The following EIF3D variants were observed in gnomAD, a reference collection of about 807,000 sequenced individuals.
EIF3D encodes the protein eIF3 p66.
A neutral mutation model predicts 75.4 loss-of-function variants in EIF3D; 10 were observed. That is an observed-to-expected ratio of 0.13 (90% CI 0.08 to 0.22). The LOEUF (loss-of-function observed/expected upper bound fraction) is 0.22, where lower values mean the gene tolerates loss of function less well. Among genes scored for constraint, EIF3D ranks in the 10% least tolerant of loss-of-function variants. The probability of loss-of-function intolerance (pLI) is 1.00; values close to 1 mark genes in which losing one functional copy is unlikely to be tolerated. For missense variants in EIF3D, 394 were observed against 708.0 expected (o/e 0.56, Z 5.03); for synonymous variants, 246 against 248.3 (o/e 0.99, Z 0.09).
chr22:36,513,658 G>T (rs1197795023), intron 12 of EIF3D, among the ~76,000 whole-genome samples: 1 of 152,186 alleles, frequency 6.6e-6, no homozygotes, highest in Non-Finnish European at 1.5e-5. Flanking sequence ...CTGACAAGAT[G>T]TCTCTGTGTT....
chr22:36,520,396 G>A (rs189745217), intron 7 of EIF3D, among the ~76,000 whole-genome samples, 180 bp downstream of exon 7: 1 of 152,242 alleles, frequency 6.6e-6, no homozygotes, highest in Admixed American at 6.5e-5. Flanking sequence ...GACCTCAGGT[G>A]ACCCACTGCA....
At chr22:36,522,196 A>T (rs977276745) in intron 6 of EIF3D, among the ~76,000 whole-genome samples, 2 of 152,088 alleles carry the variant, frequency 1.3e-5, no homozygotes, top group African/African-American at 4.8e-5. Flanking sequence ...TCTACAGAAA[A>T]TACAAAAATT....
chr22:36,517,556 A>T, intron 9 of EIF3D, 125 bp from the exon 10 acceptor site: 1 of 1,172,914 alleles, frequency 8.5e-7, no homozygotes, highest in East Asian at 2.9e-5. Flanking sequence ...GCCCTCTCCT[A>T]AAGTGGGTCT....
chr22:36,526,280 G>GT, intron 1 of EIF3D, 149 bp from the exon 2 acceptor site: 3 of 774,164 alleles, frequency 3.9e-6, no homozygotes, highest in Non-Finnish European at 5.6e-6. Context: ...GACTACTACT[G>GT]TTTTTGTTAA....
At chr22:36,517,612 G>C (rs963677676) in intron 9 of EIF3D, 181 bp from the exon 10 acceptor site, 4 of 564,594 alleles carry the variant, frequency 7.1e-6, no homozygotes, top group African/African-American at 2.0e-5. Context: ...AGCTGCTCCA[G>C]GATAACTCAA....
intron 7 of EIF3D, among the ~76,000 whole-genome samples, chr22:36,519,802 G>A (rs1160143937): frequency 6.6e-6 from 1 of 152,164 alleles, no homozygotes; most frequent in Admixed American, 6.5e-5. Flanking sequence ...GAGATGACTA[G>A]TTATAGAAGC....
chr22:36,519,569 T>A (rs746299770), intron 7 of EIF3D, 32 bp from the exon 8 acceptor site: 1 of 1,611,566 alleles, frequency 6.2e-7, no homozygotes, highest in Non-Finnish European at 8.5e-7. Flanking sequence ...ACATGCAAAG[T>A]AAGAGAGATA....
At chr22:36,521,409 C>G (rs1246735858) in intron 6 of EIF3D, among the ~76,000 whole-genome samples, 3 of 152,158 alleles carry the variant, frequency 2.0e-5, no homozygotes, top group African/African-American at 7.2e-5. Flanking sequence ...GGGTTATTAA[C>G]TATTCTTGAT....
chr22:36,514,275 CAA>C (rs1266986755), intron 12 of EIF3D, among the ~76,000 whole-genome samples: 2 of 152,130 alleles, frequency 1.3e-5, no homozygotes, highest in East Asian at 1.9e-4. Context: ...AAATCATTTT[CAA>C]AGAGTTCATG....
chr22:36,525,513 T>C, intron 3 of EIF3D, 151 bp downstream of exon 3: 1 of 888,566 alleles, frequency 1.1e-6, no homozygotes, highest in Admixed American at 2.5e-5. Context: ...AAAATGTGGT[T>C]ATTGTTAAAG....
intron 2 of EIF3D, 28 bp downstream of exon 2, chr22:36,525,971 A>G: frequency 1.9e-6 from 3 of 1,583,486 alleles, no homozygotes; most frequent in Non-Finnish European, 2.6e-6. Context: ...AGCTGCAAAG[A>G]TTCAGACTCC....
At chr22:36,524,073 A>G in intron 4 of EIF3D, 93 bp from the exon 5 acceptor site, 2 of 1,261,362 alleles carry the variant, frequency 1.6e-6, no homozygotes, top group Non-Finnish European at 2.3e-6. Flanking sequence ...TAAATTTAGG[A>G]TGCCAAATCC....
chr22:36,523,425 G>C (rs1393893601), intron 5 of EIF3D, 144 bp from the exon 6 acceptor site: 1 of 684,008 alleles, frequency 1.5e-6, no homozygotes, highest in Non-Finnish European at 2.6e-6. Context: ...GAGAAAGGAA[G>C]AGACCCAGAC....
chr22:36,517,802 C>T (rs917399599), intron 9 of EIF3D, among the ~76,000 whole-genome samples: 1 of 152,032 alleles, frequency 6.6e-6, no homozygotes, highest in African/African-American at 2.4e-5. Flanking sequence ...GGTTGGAGTG[C>T]AGTGGTGTGT....
intron 9 of EIF3D, among the ~76,000 whole-genome samples, chr22:36,518,245 C>T (rs1934458042): frequency 6.6e-6 from 1 of 152,054 alleles, no homozygotes; most frequent in Admixed American, 6.5e-5. Flanking sequence ...AATCGCAGCA[C>T]TTTGGGAGGC....
At position 36,523,254 on chromosome 22, in the gene EIF3D, G is replaced by C; in HGVS notation, c.420C>G (p.Phe140Leu). 1 of 1,613,878 alleles carries C rather than the reference G, an allele frequency of 6.2e-7. No individual in the cohort carries two copies. Among genetic ancestry groups the C allele is most frequent in the Non-Finnish European group, 8.5e-7 (1 of 1,179,850 alleles). ...TCTGCCTAACCCCAAATTGTTTCTG[G>C]AACTTTTTCTGCAGTCGAATGCGTT... The part of the protein sequence containing the change: ...ERERIRLQKK[F>L]QKQFGVRQKW... The change falls in exon 6 of 15, where the codon TTC (phenylalanine) becomes TTG (leucine). Residue 140 changes from phenylalanine (F) to leucine (L), a missense_variant. Physicochemically the swap from Phe to Leu is conservative, Grantham distance 22. Transcript: ENST00000216190.
chr22:36,510,908 G>C lies in EIF3D; in HGVS notation c.*79C>G. 6.7e-7 allele frequency: 1 copy of C among 1,491,778 alleles called. No individual in the cohort carries two copies. 92.4% of individuals were successfully genotyped at this position (1,491,778 alleles called of 1,614,324 possible). A position where few individuals can be genotyped will look rare whatever the true frequency, so the allele number is the denominator to read the frequency against. On this transcript the variant is annotated 3_prime_UTR_variant, in exon 15 of 15. Coordinates refer to ENST00000216190, the MANE Select transcript of EIF3D (RefSeq NM_003753.4). Reference sequence around the variant, plus strand: ...TCATCTGCTAAATGTCAGAGAGCAAGTTAGACACACATTCCACTAAGCATC... The same window carrying C: ...TCATCTGCTAAATGTCAGAGAGCAACTTAGACACACATTCCACTAAGCATC...
At chr22:36,513,721 C>CA (rs1934378098) in intron 12 of EIF3D, among the ~76,000 whole-genome samples, 1 of 152,172 alleles carries the variant, frequency 6.6e-6, no homozygotes, top group Non-Finnish European at 1.5e-5. Context: ...TGCTGTGGCA[C>CA]ATTTTTTGGA....
intron 3 of EIF3D, among the ~76,000 whole-genome samples, chr22:36,524,965 A>G (rs1934572810): frequency 6.6e-6 from 1 of 152,200 alleles, no homozygotes; most frequent in South Asian, 2.1e-4. Context: ...ACTCTGGCCT[A>G]AAGAACTTTC....
Sources: allele counts gnomAD v4.1 joint callset (sites outside exome capture counted in the v4.1 genomes callset), GRCh38; gene constraint gnomAD v4.1.1; transcripts MANE v1.5; gene names NCBI Gene and HGNC (gene_info 2026-07-23, HGNC 2026-07-21).